The following LAMB1 variants were observed in gnomAD, a reference collection of about 807,000 sequenced individuals.
LAMB1 encodes the protein laminin subunit beta-1.
Under a neutral mutation model 222.3 loss-of-function variants are expected in LAMB1, and 121 were observed. The ratio of observed to expected loss-of-function variants is 0.54; its 90% CI spans 0.47 to 0.63. The LOEUF (loss-of-function observed/expected upper bound fraction) is 0.63, where lower values mean the gene tolerates loss of function less well. LAMB1 is among the 30% of genes least tolerant of loss of function. LAMB1 has a pLI of 0.00. For synonymous variants in LAMB1, 794 were observed against 807.2 expected (o/e 0.98, Z 0.28); for missense variants, 2,172 against 2,240.8 (o/e 0.97, Z 0.62).
At chr7:107,993,220 G>A (rs770924248) in intron 5 of LAMB1, among the ~76,000 whole-genome samples, 21 of 152,170 alleles carry the variant, frequency 1.4e-4, no homozygotes, top group African/African-American at 3.9e-4. Context: ...TGCAACCTTC[G>A]CCTGCAGGGT....
chr7:107,979,306 G>A (rs1167536368), intron 8 of LAMB1, among the ~76,000 whole-genome samples: 1 of 152,184 alleles, frequency 6.6e-6, no homozygotes, highest in Non-Finnish European at 1.5e-5. Flanking sequence ...TAAAGGGAAG[G>A]CAGAAGTTTT....
At chr7:107,962,543 G>A (rs973832888) in intron 15 of LAMB1, among the ~76,000 whole-genome samples, 12 of 152,038 alleles carry the variant, frequency 7.9e-5, no homozygotes, top group African/African-American at 2.2e-4. Flanking sequence ...GCGAAACCCC[G>A]TCTCTATTAA....
intron 29 of LAMB1, among the ~76,000 whole-genome samples, chr7:107,930,302 TTTGC>T (rs1171437279): frequency 6.6e-6 from 1 of 152,222 alleles, no homozygotes; most frequent in African/African-American, 2.4e-5. Context: ...ACTTTCAAGC[TTTGC>T]TTATGTTTTA....
At chr7:107,992,591 C>T (rs2034205443) in intron 5 of LAMB1, among the ~76,000 whole-genome samples, 1 of 152,190 alleles carries the variant, frequency 6.6e-6, no homozygotes, top group South Asian at 2.1e-4. Context: ...AAGATTATCC[C>T]AGTTCCCAGA....
chr7:107,931,223 C>T (rs1469399933), intron 29 of LAMB1, 133 bp downstream of exon 29: 3 of 737,310 alleles, frequency 4.1e-6, no homozygotes, highest in Non-Finnish European at 6.6e-6. Flanking sequence ...GAAGTGGAAA[C>T]ATTTAATATA....
At chr7:107,933,613 A>C (rs2032764298) in intron 27 of LAMB1, among the ~76,000 whole-genome samples, 2 of 152,280 alleles carry the variant, frequency 1.3e-5, no homozygotes, top group South Asian at 2.1e-4. Context: ...GAAAAAAAAA[A>C]ACACAGTATG....
At chr7:107,961,823 C>T (rs753282626) in intron 15 of LAMB1, 147 bp from the exon 16 acceptor site, 3 of 936,080 alleles carry the variant, frequency 3.2e-6, no homozygotes, top group South Asian at 1.7e-5. Context: ...CTCTGCTACT[C>T]CCCTGGTTCC....
intron 3 of LAMB1, among the ~76,000 whole-genome samples, chr7:108,000,628 C>T (rs948825339): frequency 6.6e-6 from 1 of 152,240 alleles, no homozygotes; most frequent in African/African-American, 2.4e-5. Context: ...ACTGCAGCCT[C>T]GACCTACTGG....
At chr7:107,985,887 G>A in intron 7 of LAMB1, 135 bp downstream of exon 7, 1 of 637,270 alleles carries the variant, frequency 1.6e-6, no homozygotes, top group Non-Finnish European at 2.7e-6. Context: ...AACCCGGGAG[G>A]CGGAGGTTGC....
rs552556727 is a variant in LAMB1, at chr7:108,001,933, G to A, written c.38-200C>T. 166 of 1,456,686 alleles carry A rather than the reference G, an allele frequency of 1.1e-4. 1 individual carries two copies. The South Asian group carries it at 2.4e-3, about 21-fold the overall frequency. 90.2% of individuals were successfully genotyped at this position (1,456,686 alleles called of 1,614,324 possible). A position where few individuals can be genotyped will look rare whatever the true frequency, so the allele number is the denominator to read the frequency against. On this transcript the variant is annotated intron_variant, in intron 2 of 33. Transcript: ENST00000222399. ...AGGGACTCCGAAAGGAGAAGGACACGGAAAGAAACCCACACACGTCATCAG... is the reference window on the plus strand; with the variant it reads ...AGGGACTCCGAAAGGAGAAGGACACAGAAAGAAACCCACACACGTCATCAG...
chr7:107,964,842 G>A (rs985218191), intron 13 of LAMB1, among the ~76,000 whole-genome samples, 155 bp from the exon 14 acceptor site: 6 of 152,138 alleles, frequency 3.9e-5, no homozygotes, highest in African/African-American at 7.2e-5. Context: ...AAAAAGTAGT[G>A]CCTATGGATT....
intron 12 of LAMB1, among the ~76,000 whole-genome samples, chr7:107,974,359 T>G (rs1048370210): frequency 1.1e-4 from 16 of 148,054 alleles, no homozygotes; most frequent in South Asian, 4.3e-4. Context: ...CTGTGTGTGT[T>G]TTTTTTTTTA....
At position 107,940,466 on chromosome 7, in the gene LAMB1, C is replaced by A. The variant is rs1022730004; in HGVS notation, c.3392-108G>T. 5.8e-6 allele frequency: 7 copies of A among 1,199,640 alleles called. No homozygotes were observed. In the African/African-American group the frequency reaches 9.1e-5, roughly 16 times the overall value. 74.3% of individuals were successfully genotyped at this position (1,199,640 alleles called of 1,614,324 possible). A position where few individuals can be genotyped will look rare whatever the true frequency, so the allele number is the denominator to read the frequency against. On this transcript the variant is annotated intron_variant, in intron 24 of 33. Coordinates refer to ENST00000222399, the MANE Select transcript of LAMB1 (RefSeq NM_002291.3). ...ACTGTGAAAATGGGAAGGTGTCAAC[C>A]ATCGACAACAATTGACCAATGGCTC...
chr7:108,001,303 G>A (rs2034377596), intron 3 of LAMB1, among the ~76,000 whole-genome samples: 2 of 152,250 alleles, frequency 1.3e-5, no homozygotes, highest in African/African-American at 4.8e-5. Context: ...TGGAGGCTCT[G>A]GGTCAGGGCA....
intron 3 of LAMB1, among the ~76,000 whole-genome samples, chr7:107,999,483 G>A (rs941118317): frequency 6.6e-6 from 1 of 152,118 alleles, no homozygotes; most frequent in Admixed American, 6.5e-5. Context: ...ACAATTAACT[G>A]ACCGTACTTT....
chr7:107,970,965 T>A lies in LAMB1; in HGVS notation c.1562+2027A>T, dbSNP rs144648840. Among the ~76,000 whole-genome samples the A allele has an allele frequency of 7.9e-3, 1,196 of 152,274 alleles. 6 individuals carry two copies. Among genetic ancestry groups the A allele is most frequent in the Non-Finnish European group, 0.013 (904 of 68,022 alleles). ...CCTGGTTGGTCTTGAACTCCTGACC[T>A]CAGGTGATCTGGCGCGCCGGCCTCC... On this transcript the variant is annotated intron_variant, in intron 13 of 33. Coordinates refer to ENST00000222399, the MANE Select transcript of LAMB1 (RefSeq NM_002291.3).
rs147841436 is a variant in LAMB1, at chr7:107,980,027, A to G, written c.879+582T>C. 7.9e-3 allele frequency among the ~76,000 whole-genome samples: 1,209 copies of G among 152,160 alleles called. 24 individuals carry two copies. The highest frequency in any genetic ancestry group is 0.027 in the African/African-American group (1,140 of 41,522). The stretch of plus-strand genomic sequence containing the variant: ...GTTTGAGATCAGCCTAGCCAACATG[A>G]TGAAACCCCACCTCTACTAAAAACA... On this transcript the variant is annotated intron_variant, in intron 8 of 33. Transcript: ENST00000222399.
At chr7:107,976,679 C>T (rs2033862916) in intron 9 of LAMB1, among the ~76,000 whole-genome samples, 1 of 152,194 alleles carries the variant, frequency 6.6e-6, no homozygotes, top group African/African-American at 2.4e-5. Context: ...CAGAGTACTG[C>T]TCTCAATACA....
intron 24 of LAMB1, among the ~76,000 whole-genome samples, chr7:107,950,217 G>A (rs991557505): frequency 3.6e-4 from 55 of 150,980 alleles, no homozygotes; most frequent in African/African-American, 9.7e-4. Flanking sequence ...GTGACAGAGC[G>A]AGACTCCGTC....
Sources: allele counts gnomAD v4.1 joint callset (sites outside exome capture counted in the v4.1 genomes callset), GRCh38; gene constraint gnomAD v4.1.1; transcripts MANE v1.5; gene names NCBI Gene and HGNC (gene_info 2026-07-23, HGNC 2026-07-21).